The following TASOR2 variants were observed in gnomAD, a reference collection of about 807,000 sequenced individuals.
TASOR2 encodes protein TASOR 2.
A neutral mutation model predicts 199.5 loss-of-function variants in TASOR2; 84 were observed. That is an observed-to-expected ratio of 0.42 (90% CI 0.35 to 0.50). The LOEUF (loss-of-function observed/expected upper bound fraction) is 0.50, where lower values mean the gene tolerates loss of function less well. TASOR2 is among the 20% of genes least tolerant of loss of function. The probability of loss-of-function intolerance (pLI) is 0.02; values close to 1 mark genes in which losing one functional copy is unlikely to be tolerated. For synonymous variants in TASOR2, 1,103 were observed against 1,046.6 expected, an observed-to-expected ratio of 1.05 and a Z score of -1.04; for missense variants, 2,796 against 2,835.9, an observed-to-expected ratio of 0.99 and a Z score of 0.32.
Position 5,747,350 on chromosome 10 carries a change from C to T in TASOR2, c.3929C>T (p.Pro1310Leu), listed in dbSNP as rs777152158. Residue 1310 changes from proline to leucine, a missense_variant, in exon 15 of 21, where the codon CCA becomes CTA. By Grantham distance (98) the Pro-to-Leu change is moderately conservative (BLOSUM62 -3). Transcript: ENST00000328090. ...GAAATAGAGCAATTTGAGGAGGCCCCATTCTCAAATTTAGAACTTCAGGAT... is the reference window on the plus strand; with the variant it reads ...GAAATAGAGCAATTTGAGGAGGCCCTATTCTCAAATTTAGAACTTCAGGAT... 3.1e-6 allele frequency: 5 copies of T among 1,614,086 alleles called. No individual in the cohort carries two copies. The highest frequency in any genetic ancestry group is 4.5e-5 in the East Asian group (2 of 44,878).
At chr10:5,762,748 CATACTTCATGCTATAAATTT>C in intron 20 of TASOR2, 102 bp downstream of exon 21, 1 of 726,598 alleles carries the variant, frequency 1.4e-6, no homozygotes, top group South Asian at 1.7e-5. Context: ...CTGTTGTTTA[CATACTTCATGCTATAAATTT>C]AAAGTGTTTG....
chr10:5,742,717 C>G lies in TASOR2; in HGVS notation c.2757+191C>G, dbSNP rs1271828679. The stretch of plus-strand genomic sequence containing the variant: ...TTGAATTGTCTGCAGGTAGAGCTTA[C>G]CTGCCATCCCGATTGAAAAAAACCA... On this transcript the variant is annotated intron_variant, in intron 14 of 20. Transcript: ENST00000328090. The surrounding 1 kb of genome is among the most constrained non-coding windows in gnomAD (Gnocchi z 4.2). 6.6e-6 allele frequency among the ~76,000 whole-genome samples: 1 copy of G among 152,070 alleles called. No homozygotes were observed. Among genetic ancestry groups the G allele is most frequent in the East Asian group, 1.9e-4 (1 of 5,184 alleles).
In TASOR2 at chr10:5,740,096, A is replaced by G. The variant is rs192972095; in HGVS notation, c.1926A>G (p.Ser642=). The G allele has an allele frequency of 5.6e-6, 9 of 1,614,142 alleles. No homozygotes were observed. The East Asian group carries it at 2.0e-4, about 36-fold the overall frequency. The change falls in exon 13 of 21, where the codon TCA becomes TCG. Residue 642 remains serine (S), a synonymous_variant. Transcript: ENST00000328090. The surrounding 1 kb of genome is among the most constrained non-coding windows in gnomAD (Gnocchi z 5.3). ...TTACTGAGGAAATGCTAGAATCTTCAGATGCAAGCCAAAGCTCTTCTGTTT... is the reference window on the plus strand; with the variant it reads ...TTACTGAGGAAATGCTAGAATCTTCGGATGCAAGCCAAAGCTCTTCTGTTT...
chr10:5,724,006 A>G (rs1833711382), intron 7 of TASOR2, among the ~76,000 whole-genome samples: 1 of 152,212 alleles, frequency 6.6e-6, no homozygotes, highest in Admixed American at 6.5e-5. Flanking sequence ...TTAATATAGA[A>G]ATACTGATGC....
Position 5,731,352 on chromosome 10 carries a change from C to T in TASOR2, c.1204+149C>T, listed in dbSNP as rs12263062. On this transcript the variant is annotated intron_variant, in intron 11 of 20. Transcript: ENST00000328090. ...GAGACCAGTCTGACCAATACGGTGA[C>T]ACCCTGTCTCTACTAAAAATACAAA... The T allele has an allele frequency of 3.0e-3, 2,061 of 687,092 alleles. 33 individuals are homozygous for T. The African/African-American group carries it at 0.033, about 11-fold the overall frequency. 42.6% of individuals were successfully genotyped at this position (687,092 alleles called of 1,614,324 possible).
In TASOR2 at chr10:5,701,954, T is replaced by C. The variant is rs189332461; in HGVS notation, c.-287-10869T>C. Among the ~76,000 whole-genome samples, 177 of 152,296 alleles carry C rather than the reference T, an allele frequency of 1.2e-3. No individual in the cohort carries two copies. The highest frequency in any genetic ancestry group is 6.8e-3 in the Middle Eastern group (2 of 294). On this transcript the variant is annotated intron_variant, in intron 1 of 20. Transcript: ENST00000328090. This position sits in a 1 kb window ranked among gnomAD's most constrained non-coding sequence, Gnocchi z 4.9. ...CTGATTTGGATGCCCTCTATTTCTT[T>C]CTCTTGCCTAATTGCTCTGCCCAGT...
chr10:5,725,675 G>A (rs764542640), intron 8 of TASOR2, among the ~76,000 whole-genome samples: 13 of 152,028 alleles, frequency 8.6e-5, no homozygotes, highest in Non-Finnish European at 1.6e-4. Flanking sequence ...TGGCTACTCC[G>A]AAGGCTGAGG....
intron 7 of TASOR2, 41 bp from the exon 9 acceptor site, chr10:5,724,389 C>A: frequency 1.0e-6 from 1 of 955,294 alleles, no homozygotes; most frequent in Non-Finnish European, 1.5e-6. Flanking sequence ...TACATAATAG[C>A]GTATTAAAAA....
At chr10:5,715,658 G>T (rs1316544358) in intron 2 of TASOR2, among the ~76,000 whole-genome samples, 1 of 151,280 alleles carries the variant, frequency 6.6e-6, no homozygotes, top group Non-Finnish European at 1.5e-5. Context: ...TTTTTTGGTG[G>T]CGGGGTACGG....
At chr10:5,708,761 G>A (rs1163620486) in intron 1 of TASOR2, among the ~76,000 whole-genome samples, 2 of 151,438 alleles carry the variant, frequency 1.3e-5, no homozygotes, top group East Asian at 3.9e-4. Context: ...GAGTTCAGGG[G>A]TGCAATCTCA....
At chr10:5,713,209 A>C (rs1459765234) in intron 2 of TASOR2, among the ~76,000 whole-genome samples, 1 of 152,182 alleles carries the variant, frequency 6.6e-6, no homozygotes, top group East Asian at 1.9e-4. Context: ...TACTAGAGTG[A>C]ATGGATATTT....
chr10:5,757,181 A>G (rs55837307), intron 16 of TASOR2, among the ~76,000 whole-genome samples: 25,921 of 152,260 alleles, frequency 0.17, 2,497 homozygotes, highest in Admixed American at 0.23. Flanking sequence ...TGCTGGCACC[A>G]AGGGGAGCTG....
At position 5,747,508 on chromosome 10, in the gene TASOR2, A is replaced by G. The variant is rs763976951; in HGVS notation, c.4087A>G (p.Asn1363Asp). The G allele has an allele frequency of 2.5e-6, 4 of 1,614,152 alleles. No homozygotes were observed. The Admixed American group carries it at 6.7e-5, about 27-fold the overall frequency. The change falls in exon 15 of 21, where the codon AAT becomes GAT. Residue 1363 changes from asparagine to aspartate, a missense_variant. Transcript: ENST00000328090. ...AGAAAATAAGGAGAGAAAGGGGGATAATTTACAACCAGTTACTTTAATACT... is the reference window on the plus strand; with the variant it reads ...AGAAAATAAGGAGAGAAAGGGGGATGATTTACAACCAGTTACTTTAATACT...
Position 5,740,109 on chromosome 10 carries a change from A to G in TASOR2, c.1939A>G (p.Ser647Gly). The stretch of plus-strand genomic sequence containing the variant: ...GCTAGAATCTTCAGATGCAAGCCAA[A>G]GCTCTTCTGTTTCTGTGGAACATTC... The change falls in exon 13 of 21, where the codon AGC becomes GGC. Residue 647 changes from serine to glycine, a missense_variant. This residue lies in a region of TASOR2 where 847 missense variants were observed against 887.4 expected (regional missense o/e 0.95). Coordinates refer to ENST00000328090, the Ensembl canonical transcript of TASOR2. The surrounding 1 kb of genome is among the most constrained non-coding windows in gnomAD (Gnocchi z 5.3). 2 of 1,614,114 alleles carry G rather than the reference A, an allele frequency of 1.2e-6. No individual in the cohort carries two copies. Among genetic ancestry groups the G allele is most frequent in the South Asian group, 2.2e-5 (2 of 91,080 alleles).
intron 14 of TASOR2, among the ~76,000 whole-genome samples, chr10:5,745,638 G>A (rs1263337883): frequency 6.6e-6 from 1 of 151,908 alleles, no homozygotes; most frequent in African/African-American, 2.4e-5. Context: ...AAATTAGCCG[G>A]GCATGGTGGC....
chr10:5,723,043 C>CTTTTTTTTTTTTTTTTTTTTT (rs1183983010), intron 6 of TASOR2, among the ~76,000 whole-genome samples: 1 of 72,896 alleles, frequency 1.4e-5, no homozygotes, highest in Non-Finnish European at 2.4e-5. Context: ...CAGGAAATAA[C>CTTTTTTTTTTTTTTTTTTTTT]TTTTTTTTTT....
At position 5,748,830 on chromosome 10, in the gene TASOR2, T is replaced by C. The variant is rs766019111; in HGVS notation, c.5409T>C (p.Ala1803=). Residue 1803 remains alanine (A), a synonymous_variant, in exon 15 of 21, where the codon GCT becomes GCC. Coordinates refer to ENST00000328090, the Ensembl canonical transcript of TASOR2. This position sits in a 1 kb window ranked among gnomAD's most constrained non-coding sequence, Gnocchi z 5.1. The stretch of plus-strand genomic sequence containing the variant: ...AGAACAGTGGGGAGGGGCTCAGGGC[T>C]GAGGCTGGTTCTGAAACCCTAGGCA... The C allele has an allele frequency of 1.2e-6, 2 of 1,614,184 alleles. No homozygotes were observed. The highest frequency in any genetic ancestry group is 2.2e-5 in the South Asian group (2 of 91,088).
rs1211315088 is a variant in TASOR2, at chr10:5,687,366, A to C, written c.-288+2191A>C. ...TAGATATCCTTAACTAGCATTGTTT[A>C]CTCTTACCTGTTTTTGAACTTTATT... On this transcript the variant is annotated intron_variant, in intron 1 of 20. Coordinates refer to ENST00000328090, the Ensembl canonical transcript of TASOR2. This position sits in a 1 kb window ranked among gnomAD's most constrained non-coding sequence, Gnocchi z 4.8. Among the ~76,000 whole-genome samples, 1 of 152,054 alleles carries C rather than the reference A, an allele frequency of 6.6e-6. No homozygotes were observed. Among genetic ancestry groups the C allele is most frequent in the Non-Finnish European group, 1.5e-5 (1 of 68,000 alleles).
At chr10:5,731,049 G>A in exon 11 of TASOR2, 1 of 1,614,140 alleles carries the variant, frequency 6.2e-7, no homozygotes, top group Non-Finnish European at 8.5e-7. Flanking sequence ...TGCAGCCTAA[G>A]AGGAAGGCCA....
Sources: gnomAD v4.1 joint callset for allele counts (sites outside exome capture counted in the v4.1 genomes callset) on GRCh38, gnomAD v4.1.1 for gene constraint, gnomAD v4.1.1 regional missense constraint, Gnocchi (gnomAD v3.1) non-coding constraint, MANE v1.5 for transcripts, NCBI Gene and HGNC (gene_info 2026-07-23, HGNC 2026-07-21) for gene names.